Variants in NEGR1 observed in about 807,000 individuals in gnomAD.
NEGR1 encodes neuronal growth regulator 1, also known as IgLON family member 4.
NEGR1 carries 10 observed loss-of-function variants against 40.9 expected under a neutral mutation model. The observed-to-expected ratio is 0.24, with a 90% CI of 0.15 to 0.42. The LOEUF (loss-of-function observed/expected upper bound fraction) is 0.42, where lower values mean the gene tolerates loss of function less well. NEGR1 is among the 10% of genes least tolerant of loss of function. NEGR1 has a pLI of 1.00. For missense variants in NEGR1, 352 were observed against 438.9 expected, an observed-to-expected ratio of 0.80 and a Z score of 1.77; for synonymous variants, 185 against 166.8, an observed-to-expected ratio of 1.11 and a Z score of -0.84.
chr1:71,981,625 T>A (rs1646355041), intron 1 of NEGR1, among the ~76,000 whole-genome samples: 1 of 152,126 alleles, frequency 6.6e-6, no homozygotes, highest in Non-Finnish European at 1.5e-5. Flanking sequence ...ATGGGAGACC[T>A]ATCAGGTGAT....
Position 71,404,642 on chromosome 1 carries a change from T to A in NEGR1, c.*2804A>T, listed in dbSNP as rs1026646498. Reference sequence around the variant, plus strand: ...TTTCATTCTTTTTCTTTTCTCTCCATTCTCATTTTTAAACTGCTACTTATT... The same window carrying A: ...TTTCATTCTTTTTCTTTTCTCTCCAATCTCATTTTTAAACTGCTACTTATT... On this transcript the variant is annotated 3_prime_UTR_variant, in exon 7 of 7. Coordinates refer to ENST00000357731, the MANE Select transcript of NEGR1 (RefSeq NM_173808.3). 7 of 151,788 alleles carry A rather than the reference T, an allele frequency of 4.6e-5. No homozygotes were observed. The South Asian group carries it at 1.5e-3, about 32-fold the overall frequency. The allele number at this position is 151,788 out of a possible 1,614,324, so 9.4% of individuals were successfully genotyped here. A position where few individuals can be genotyped will look rare whatever the true frequency, so the allele number is the denominator to read the frequency against.
At chr1:71,747,347 T>G (rs1343046968) in intron 3 of NEGR1, among the ~76,000 whole-genome samples, 3 of 152,140 alleles carry the variant, frequency 2.0e-5, no homozygotes, top group Non-Finnish European at 4.4e-5. Flanking sequence ...AGGATCAATA[T>G]TAAAACATAA....
intron 4 of NEGR1, among the ~76,000 whole-genome samples, chr1:71,635,099 G>C (rs138947905): frequency 6.6e-6 from 1 of 151,966 alleles, no homozygotes; most frequent in Non-Finnish European, 1.5e-5. Flanking sequence ...AATCTGAGTG[G>C]CCAGTTCAGA....
At chr1:72,237,857 C>G (rs1654609360) in intron 1 of NEGR1, among the ~76,000 whole-genome samples, 1 of 151,884 alleles carries the variant, frequency 6.6e-6, no homozygotes, top group Non-Finnish European at 1.5e-5. Context: ...AGTTACATCA[C>G]AAATAATGCA....
At chr1:71,569,665 G>A (rs1648747889) in intron 6 of NEGR1, among the ~76,000 whole-genome samples, 1 of 152,182 alleles carries the variant, frequency 6.6e-6, no homozygotes, top group Admixed American at 6.5e-5. Flanking sequence ...CTCACTAAAT[G>A]CAGAATTCAG....
At chr1:72,077,936 T>C (rs1647821221) in intron 1 of NEGR1, among the ~76,000 whole-genome samples, 1 of 152,188 alleles carries the variant, frequency 6.6e-6, no homozygotes, top group Non-Finnish European at 1.5e-5. Flanking sequence ...TTGATTTGTA[T>C]TTCGGTACAA....
chr1:71,522,328 T>G (rs374332099), intron 6 of NEGR1, among the ~76,000 whole-genome samples: 15 of 152,054 alleles, frequency 9.9e-5, no homozygotes, highest in Admixed American at 8.5e-4. Flanking sequence ...TTTAAGAAAT[T>G]TCAAGAGAGA....
chr1:72,071,163 T>C (rs916857480), intron 1 of NEGR1, among the ~76,000 whole-genome samples: 1 of 151,956 alleles, frequency 6.6e-6, no homozygotes, highest in African/African-American at 2.4e-5. Flanking sequence ...ATGGAACTGC[T>C]AGAAAAGTGT....
chr1:71,597,248 C>T (rs541855655), intron 5 of NEGR1, among the ~76,000 whole-genome samples: 31 of 151,976 alleles, frequency 2.0e-4, no homozygotes, highest in African/African-American at 7.2e-4. Flanking sequence ...GATTAAATGC[C>T]TTCTATGCTG....
chr1:71,463,814 T>C (rs1476181365), intron 6 of NEGR1, among the ~76,000 whole-genome samples: 1 of 152,172 alleles, frequency 6.6e-6, no homozygotes, highest in African/African-American at 2.4e-5. Context: ...TGCAGCTACA[T>C]ATTTTGTACA....
intron 1 of NEGR1, among the ~76,000 whole-genome samples, chr1:72,034,715 T>C (rs1275381467): frequency 6.6e-6 from 1 of 152,040 alleles, no homozygotes; most frequent in East Asian, 1.9e-4. Flanking sequence ...GAAATCAGAG[T>C]AGGTGATGAT....
chr1:71,737,052 C>A (rs1377359938), intron 3 of NEGR1, among the ~76,000 whole-genome samples: 2 of 152,132 alleles, frequency 1.3e-5, no homozygotes, highest in African/African-American at 2.4e-5. Context: ...AAATCAGAAA[C>A]CATTCATGCA....
At chr1:71,498,363 C>T (rs1412527128) in intron 6 of NEGR1, among the ~76,000 whole-genome samples, 1 of 151,740 alleles carries the variant, frequency 6.6e-6, no homozygotes, top group Non-Finnish European at 1.5e-5. Context: ...AATTAATATC[C>T]TTTTAACAGA....
intron 1 of NEGR1, among the ~76,000 whole-genome samples, chr1:72,256,983 T>G (rs1015702730): frequency 1.3e-4 from 20 of 152,192 alleles, no homozygotes; most frequent in Non-Finnish European, 2.2e-4. Flanking sequence ...AATTAAGATC[T>G]GTGGTTTGAC....
chr1:72,227,403 T>A (rs72941270), intron 1 of NEGR1, among the ~76,000 whole-genome samples: 1,957 of 152,038 alleles, frequency 0.013, 31 homozygotes, highest in African/African-American at 0.043. Flanking sequence ...AGATGTGATC[T>A]AAAAGCAAGA....
intron 6 of NEGR1, 114 bp from the exon 7 acceptor site, chr1:71,407,684 C>T: frequency 1.1e-6 from 1 of 935,634 alleles, no homozygotes; most frequent in Non-Finnish European, 1.6e-6. Flanking sequence ...TGGAGTCAGA[C>T]AGACTGAAGT....
rs561988225 is a variant in NEGR1, at chr1:71,691,165, C to A, written c.667+6843G>T. Among the ~76,000 whole-genome samples, 12 of 151,896 alleles carry A rather than the reference C, an allele frequency of 7.9e-5. No individual in the cohort carries two copies. The South Asian group carries it at 2.5e-3, about 31-fold the overall frequency. The stretch of plus-strand genomic sequence containing the variant: ...ACTAGTCATTAATTGAACTGTATGT[C>A]TAATATTTAAAACAAAGGTCCAATT... On this transcript the variant is annotated intron_variant, in intron 4 of 6. Transcript: ENST00000357731.
At chr1:71,624,427 A>G (rs1650703001) in intron 4 of NEGR1, among the ~76,000 whole-genome samples, 1 of 151,964 alleles carries the variant, frequency 6.6e-6, no homozygotes, top group Non-Finnish European at 1.5e-5. Context: ...GACAAATCCT[A>G]CATCCTTGCT....
chr1:71,910,935 T>C (rs1661406733), intron 2 of NEGR1, among the ~76,000 whole-genome samples: 2 of 152,124 alleles, frequency 1.3e-5, no homozygotes, highest in African/African-American at 2.4e-5. Flanking sequence ...TGAGCTCAAG[T>C]GATCCATCTA....
Sources: gnomAD v4.1 joint callset for allele counts (sites outside exome capture counted in the v4.1 genomes callset) on GRCh38, gnomAD v4.1.1 for gene constraint, MANE v1.5 for transcripts, NCBI Gene and HGNC (gene_info 2026-07-23, HGNC 2026-07-21) for gene names.